The following OLFML2A variants were observed in gnomAD, a reference collection of about 807,000 sequenced individuals.
OLFML2A encodes the protein olfactomedin like 2A.
Under a neutral mutation model 60.9 loss-of-function variants are expected in OLFML2A, and 47 were observed. That is an observed-to-expected ratio of 0.77 (90% CI 0.61 to 0.98). The LOEUF is 0.98. Among genes scored for constraint, OLFML2A ranks in the 50% least tolerant of loss-of-function variants. The pLI is 0.00. For missense variants in OLFML2A, 922 were observed against 879.8 expected, an observed-to-expected ratio of 1.05 and a Z score of -0.61; for synonymous variants, 372 against 375.0, an observed-to-expected ratio of 0.99 and a Z score of 0.09.
Position 124,810,700 on chromosome 9 carries a change from C to A in OLFML2A, c.*288C>A. The A allele has an allele frequency of 2.2e-6, 1 of 460,050 alleles. No individual in the cohort carries two copies. The highest frequency in any genetic ancestry group is 3.9e-6 in the Non-Finnish European group (1 of 255,022). 28.5% of individuals were successfully genotyped at this position (460,050 alleles called of 1,614,324 possible). ...CCCATTTAACAGACGAGGAGACAGG[C>A]TCAGAGAGGCACCGTCCCTTGCCTA... On this transcript the variant is annotated 3_prime_UTR_variant, in exon 8 of 8. Coordinates refer to ENST00000373580, the MANE Select transcript of OLFML2A (RefSeq NM_182487.4).
chr9:124,779,941 T>A lies in OLFML2A; in HGVS notation c.90+2581T>A, dbSNP rs1841330739. 6.6e-6 allele frequency among the ~76,000 whole-genome samples: 1 copy of A among 152,228 alleles called. No individual in the cohort carries two copies. The highest frequency in any genetic ancestry group is 1.5e-5 in the Non-Finnish European group (1 of 68,036). Reference sequence around the variant, plus strand: ...TAAGTTGGCCCCTCCTTGGGCTTCCTGTTCCTGGGAGCTCTAGTCTGCCCT... The same window carrying A: ...TAAGTTGGCCCCTCCTTGGGCTTCCAGTTCCTGGGAGCTCTAGTCTGCCCT... On this transcript the variant is annotated intron_variant, in intron 1 of 7. Transcript: ENST00000373580. This position sits in a 1 kb window ranked among gnomAD's most constrained non-coding sequence, Gnocchi z 4.1.
At chr9:124,780,932 G>A (rs1841351708) in intron 1 of OLFML2A, among the ~76,000 whole-genome samples, 1 of 152,212 alleles carries the variant, frequency 6.6e-6, no homozygotes, top group African/African-American at 2.4e-5. Flanking sequence ...CCTCTAGGAA[G>A]CATCCAGATA....
intron 1 of OLFML2A, among the ~76,000 whole-genome samples, 172 bp from the exon 2 acceptor site, chr9:124,786,803 T>G (rs1391900848): frequency 6.8e-6 from 1 of 146,230 alleles, no homozygotes; most frequent in African/African-American, 2.5e-5. Context: ...CACACAGAGT[T>G]GTTATTATTA....
In OLFML2A at chr9:124,801,201, G is replaced by A. The variant is rs1841768166; in HGVS notation, c.670-213G>A. ...ATCAGGTTGGACTTCAAGCCTGCAA[G>A]GGAGCTAAAGAGCTGGGTGAGGAAA... is the stretch of plus-strand genomic sequence containing the variant. On this transcript the variant is annotated intron_variant, in intron 4 of 7. Coordinates refer to ENST00000373580, the MANE Select transcript of OLFML2A (RefSeq NM_182487.4). 3.3e-6 allele frequency: 3 copies of A among 913,150 alleles called. No individual in the cohort carries two copies. The South Asian group carries it at 5.2e-5, about 16-fold the overall frequency. The allele number at this position is 913,150 out of a possible 1,614,324, so 56.6% of individuals were successfully genotyped here.
Position 124,777,450 on chromosome 9 carries a change from G to T in OLFML2A, c.90+90G>T. On this transcript the variant is annotated intron_variant, in intron 1 of 7. Transcript: ENST00000373580. The surrounding 1 kb of genome is among the most constrained non-coding windows in gnomAD (Gnocchi z 6.2). ...GGGGTGCGGCCCGGGAGGGAGCCCG[G>T]GGCCAGGGCGGAGGAGCCGGGAGCT... 8.5e-7 allele frequency: 1 copy of T among 1,177,390 alleles called. No individual in the cohort carries two copies. Among genetic ancestry groups the T allele is most frequent in the East Asian group, 3.4e-5 (1 of 29,512 alleles). 72.9% of individuals were successfully genotyped at this position (1,177,390 alleles called of 1,614,324 possible).
chr9:124,777,437 G>A lies in OLFML2A; in HGVS notation c.90+77G>A, dbSNP rs1046335870. ...GGGCGCTGTGGCTGGGGTGCGGCCC[G>A]GGAGGGAGCCCGGGGCCAGGGCGGA... On this transcript the variant is annotated intron_variant, in intron 1 of 7. Transcript: ENST00000373580. This position sits in a 1 kb window ranked among gnomAD's most constrained non-coding sequence, Gnocchi z 6.2. 1.7e-6 allele frequency: 2 copies of A among 1,206,736 alleles called. No homozygotes were observed. Among genetic ancestry groups the A allele is most frequent in the Non-Finnish European group, 2.1e-6 (2 of 968,732 alleles). The allele number at this position is 1,206,736 out of a possible 1,614,324, so 74.8% of individuals were successfully genotyped here.
intron 1 of OLFML2A, 133 bp from the exon 2 acceptor site, chr9:124,786,842 A>G (rs1049301608): frequency 1.3e-6 from 1 of 772,516 alleles, no homozygotes; most frequent in Non-Finnish European, 2.1e-6. Context: ...CTCTAATTGC[A>G]CCCCCTCCTA....
rs1303643648 is a variant in OLFML2A, at chr9:124,804,094, A to G, written c.920A>G (p.Asp307Gly). Residue 307 changes from aspartate to glycine, a missense_variant and splice_region_variant, in exon 6 of 8, where the codon GAC becomes GGC. Physicochemically the swap from Asp to Gly is moderately conservative, Grantham distance 94. Coordinates refer to ENST00000373580, the MANE Select transcript of OLFML2A (RefSeq NM_182487.4). The stretch of plus-strand genomic sequence containing the variant: ...GAGCACAGGGGTCTTCTCTCTGCAG[A>G]CAACACCCTCCAGGGCACTTCCTGG... ...GKQEVTEAVA[D>G]NTLQGTSWLE... is the part of the protein sequence containing the mutation. 1.9e-6 allele frequency: 3 copies of G among 1,614,000 alleles called. No individual in the cohort carries two copies. The highest frequency in any genetic ancestry group is 2.5e-6 in the Non-Finnish European group (3 of 1,179,944).
Position 124,777,354 on chromosome 9 carries a change from C to T in OLFML2A, c.84C>T (p.Asp28=). ...TGAGCGGCCGCCCCACGCGCGCCGA[C>T]AGTAAGGTACGCACGCCCCTCGGAC... ...LLLSGRPTRA[D]SKVFGDLDQV... is the part of the protein sequence containing the mutation. Residue 28 remains aspartate (D), a synonymous_variant, in exon 1 of 8, where the codon GAC becomes GAT. Transcript: ENST00000373580. This position sits in a 1 kb window ranked among gnomAD's most constrained non-coding sequence, Gnocchi z 6.2. 7.8e-7 allele frequency: 1 copy of T among 1,286,018 alleles called. No homozygotes were observed. 79.7% of individuals were successfully genotyped at this position (1,286,018 alleles called of 1,614,324 possible).
intron 4 of OLFML2A, chr9:124,800,955 GC>G: frequency 7.1e-6 from 11 of 1,545,656 alleles, no homozygotes; most frequent in Non-Finnish European, 9.6e-6. Flanking sequence ...CACTTTCAGT[GC>G]TAAAACTAGG....
In OLFML2A at chr9:124,793,937, G is replaced by A. The variant is rs1416602498; in HGVS notation, c.355-1087G>A. ...ACCTGTAGTCCTAGCTACTCCAGAG[G>A]CTGAGGTGGGAGGATTGCTTGAGCT... On this transcript the variant is annotated intron_variant, in intron 2 of 7. Coordinates refer to ENST00000373580, the MANE Select transcript of OLFML2A (RefSeq NM_182487.4). Among the ~76,000 whole-genome samples, 2 of 152,146 alleles carry A rather than the reference G, an allele frequency of 1.3e-5. 1 individual carries two copies.
At chr9:124,800,937 G>A (rs1841762188) in intron 4 of OLFML2A, 1 of 1,542,160 alleles carries the variant, frequency 6.5e-7, no homozygotes, top group African/African-American at 1.4e-5. Flanking sequence ...GGTTTTTCCA[G>A]GATGCAGCAC....
chr9:124,806,013 G>C (rs892087354), intron 6 of OLFML2A, among the ~76,000 whole-genome samples: 2 of 151,350 alleles, frequency 1.3e-5, no homozygotes, highest in Non-Finnish European at 2.9e-5. Flanking sequence ...ACAGTGTTTC[G>C]CCATGTTGAC....
At position 124,809,853 on chromosome 9, in the gene OLFML2A, CA is replaced by C. The variant is rs1841967769; in HGVS notation, c.1401del (p.Gly468AlafsTer80). The C allele has an allele frequency of 6.2e-7, 1 of 1,613,722 alleles. No homozygotes were observed. Among genetic ancestry groups the C allele is most frequent in the Non-Finnish European group, 8.5e-7 (1 of 1,179,846 alleles). On this transcript the variant is annotated frameshift_variant, in exon 8 of 8. Transcript: ENST00000373580. LOFTEE classifies it high-confidence loss of function. ...MYKLPYNWIG[T>X]GHVVYQGAFY... is the part of the protein sequence containing the mutation. Reference sequence around the variant, plus strand: ...AAGCTACCCTACAACTGGATCGGCACAGGCCACGTGGTGTACCAGGGCGCCT... The same window carrying C: ...AAGCTACCCTACAACTGGATCGGCACGGCCACGTGGTGTACCAGGGCGCCT...
chr9:124,792,160 G>A (rs1206575125), intron 2 of OLFML2A, among the ~76,000 whole-genome samples: 1 of 152,184 alleles, frequency 6.6e-6, no homozygotes, highest in African/African-American at 2.4e-5. Flanking sequence ...TAATGATCTG[G>A]TCAACTGTGT....
At chr9:124,802,973 A>G (rs1039441200) in intron 5 of OLFML2A, among the ~76,000 whole-genome samples, 1 of 151,950 alleles carries the variant, frequency 6.6e-6, no homozygotes, top group Admixed American at 6.6e-5. Context: ...CAGCGGTGCA[A>G]TCTCAGCTCA....
chr9:124,806,761 C>T (rs947976028), intron 6 of OLFML2A, among the ~76,000 whole-genome samples: 1 of 152,018 alleles, frequency 6.6e-6, no homozygotes, highest in Non-Finnish European at 1.5e-5. Flanking sequence ...AGGCACCCAC[C>T]ACCGCACCCA....
At chr9:124,788,997 AAC>A (rs1257542258) in intron 2 of OLFML2A, among the ~76,000 whole-genome samples, 1 of 152,022 alleles carries the variant, frequency 6.6e-6, no homozygotes, top group Non-Finnish European at 1.5e-5. Context: ...CAGTCGTGCA[AAC>A]ACAGTTCACT....
rs1841731160 is a variant in OLFML2A at position 124,799,445 on chromosome 9, C to G, written c.623C>G (p.Ala208Gly). ...CTCCAGCTGCTGCAGAAGGATGCCG[C>G]CGCCGCCCCTGCCACCCCTGCCACG... is the stretch of plus-strand genomic sequence containing the variant. ...LGLQLLQKDA[A>G]AAPATPATGT... is the part of the protein sequence containing the mutation. The change falls in exon 4 of 8, where the codon GCC (alanine) becomes GGC (glycine). Residue 208 changes from alanine to glycine, a missense_variant. Coordinates refer to ENST00000373580, the MANE Select transcript of OLFML2A (RefSeq NM_182487.4). 2 of 1,608,898 alleles carry G rather than the reference C, an allele frequency of 1.2e-6. No homozygotes were observed. Among genetic ancestry groups the G allele is most frequent in the Admixed American group, 1.7e-5 (1 of 59,214 alleles).
Sources: gnomAD v4.1 joint callset for allele counts (sites outside exome capture counted in the v4.1 genomes callset) on GRCh38, gnomAD v4.1.1 for gene constraint, Gnocchi (gnomAD v3.1) non-coding constraint, MANE v1.5 for transcripts, NCBI Gene and HGNC (gene_info 2026-07-23, HGNC 2026-07-21) for gene names.